The following PPP2R3A variants were observed in gnomAD, a reference collection of about 807,000 sequenced individuals.
PPP2R3A encodes the protein serine/threonine-protein phosphatase 2A regulatory subunit B'' subunit alpha.
PPP2R3A carries 80 observed loss-of-function variants against 106.9 expected under a neutral mutation model. That is an observed-to-expected ratio of 0.75 (90% CI 0.62 to 0.90). The LOEUF (loss-of-function observed/expected upper bound fraction) is 0.90, where lower values mean the gene tolerates loss of function less well. PPP2R3A is among the 40% of genes least tolerant of loss of function. PPP2R3A has a pLI of 0.00. For missense variants in PPP2R3A, 1,386 were observed against 1,350.4 expected (o/e 1.03, Z -0.41); for synonymous variants, 483 against 468.3 (o/e 1.03, Z -0.41).
At chr3:136,039,921 A>G (rs1263851379) in intron 3 of PPP2R3A, among the ~76,000 whole-genome samples, 1 of 152,164 alleles carries the variant, frequency 6.6e-6, no homozygotes, top group East Asian at 1.9e-4. Context: ...AAATTGTTTT[A>G]TATTCATTTC....
At chr3:136,040,710 G>C in intron 3 of PPP2R3A, 149 bp from the exon 4 acceptor site, 1 of 489,118 alleles carries the variant, frequency 2.0e-6, no homozygotes, top group Non-Finnish European at 3.6e-6. Flanking sequence ...TACCCTAGTT[G>C]ATATATTTTC....
intron 2 of PPP2R3A, among the ~76,000 whole-genome samples, chr3:136,012,850 G>A (rs1014192544): frequency 1.3e-5 from 2 of 152,058 alleles, no homozygotes; most frequent in African/African-American, 4.8e-5. Context: ...TGATTACATG[G>A]ATAAGTTCTT....
At chr3:136,027,173 C>G (rs1280913161) in intron 3 of PPP2R3A, 75 bp downstream of exon 3, 1 of 1,336,974 alleles carries the variant, frequency 7.5e-7, no homozygotes, top group African/African-American at 1.5e-5. Context: ...TCTAGAAACC[C>G]GGATCCCACC....
At chr3:136,102,921 G>A (rs1937416285) in intron 11 of PPP2R3A, among the ~76,000 whole-genome samples, 1 of 152,134 alleles carries the variant, frequency 6.6e-6, no homozygotes. Context: ...GGGACTGCTT[G>A]ATGGGCACAG....
intron 2 of PPP2R3A, among the ~76,000 whole-genome samples, chr3:136,007,012 A>T (rs201660473): frequency 6.6e-6 from 1 of 152,310 alleles, no homozygotes; most frequent in East Asian, 1.9e-4. Flanking sequence ...ACCTTTTCCC[A>T]TCGGTTTTCT....
intron 2 of PPP2R3A, among the ~76,000 whole-genome samples, chr3:136,015,934 C>G (rs1934252172): frequency 6.6e-6 from 1 of 152,002 alleles, no homozygotes; most frequent in Admixed American, 6.6e-5. Flanking sequence ...GTCTTTCAGA[C>G]TTTTTGATGC....
In PPP2R3A at chr3:136,002,113, T is replaced by C. The variant is rs1254533682; in HGVS notation, c.615T>C (p.Phe205=). The change falls in exon 2 of 14, where the codon TTT becomes TTC. Residue 205 remains phenylalanine (F), a synonymous_variant. Coordinates refer to ENST00000264977, the MANE Select transcript of PPP2R3A (RefSeq NM_002718.5). The stretch of plus-strand genomic sequence containing the variant: ...TGACTTCCATGTTTCTTCAAAACTT[T>C]TCTGAAGAAGACTTGGTTACTCAGA... The part of the protein sequence containing the change: ...TNLTSMFLQN[F]SEEDLVTQIL... 2 of 1,614,126 alleles carry C rather than the reference T, an allele frequency of 1.2e-6. No homozygotes were observed. Among genetic ancestry groups the C allele is most frequent in the Non-Finnish European group, 8.5e-7 (1 of 1,180,018 alleles).
At chr3:136,036,641 G>A (rs1171097221) in intron 3 of PPP2R3A, among the ~76,000 whole-genome samples, 1 of 152,068 alleles carries the variant, frequency 6.6e-6, no homozygotes, top group Non-Finnish European at 1.5e-5. Context: ...GGAACAGTCC[G>A]CTTCCTTCAG....
At chr3:136,098,881 G>A (rs1937283088) in intron 10 of PPP2R3A, among the ~76,000 whole-genome samples, 1 of 152,006 alleles carries the variant, frequency 6.6e-6, no homozygotes, top group African/African-American at 2.4e-5. Flanking sequence ...TAAATGAACA[G>A]TTGATCTTCA....
At chr3:136,014,413 G>C (rs147806998) in intron 2 of PPP2R3A, among the ~76,000 whole-genome samples, 1 of 152,152 alleles carries the variant, frequency 6.6e-6, no homozygotes, top group Admixed American at 6.5e-5. Flanking sequence ...TTGGCAGAAT[G>C]GTCATTTTCA....
intron 13 of PPP2R3A, among the ~76,000 whole-genome samples, chr3:136,137,397 T>C (rs1006769014): frequency 5.3e-5 from 8 of 152,024 alleles, no homozygotes; most frequent in Admixed American, 2.0e-4. Flanking sequence ...TTTTAGTGCT[T>C]CAGTGTTCTC....
chr3:136,045,050 C>T (rs1460625976), intron 4 of PPP2R3A, among the ~76,000 whole-genome samples: 1 of 152,182 alleles, frequency 6.6e-6, no homozygotes, highest in Non-Finnish European at 1.5e-5. Context: ...AGGCTCTAAC[C>T]TTTGTTGACT....
chr3:136,033,554 A>G (rs907283591), intron 3 of PPP2R3A, among the ~76,000 whole-genome samples: 9 of 152,198 alleles, frequency 5.9e-5, no homozygotes, highest in Admixed American at 4.6e-4. Context: ...TACCATTTCA[A>G]TATCACTGCT....
At chr3:136,026,658 ATTAAT>A (rs1198519928) in intron 2 of PPP2R3A, among the ~76,000 whole-genome samples, 169 bp from the exon 3 acceptor site, 2 of 152,156 alleles carry the variant, frequency 1.3e-5, no homozygotes, top group African/African-American at 4.8e-5. Context: ...TAATAAATTA[ATTAAT>A]TTAGTGCAGA....
At chr3:136,056,613 T>TA (rs1475065632) in intron 5 of PPP2R3A, among the ~76,000 whole-genome samples, 2 of 151,964 alleles carry the variant, frequency 1.3e-5, no homozygotes, top group East Asian at 3.8e-4. Context: ...GACTTAAATG[T>TA]AATACCTGAA....
intron 1 of PPP2R3A, among the ~76,000 whole-genome samples, chr3:135,973,650 T>C (rs1008149140): frequency 6.6e-6 from 1 of 152,160 alleles, no homozygotes; most frequent in Non-Finnish European, 1.5e-5. Flanking sequence ...TTTTCAGGCA[T>C]AGTAGGAAAT....
At position 136,087,942 on chromosome 3, in the gene PPP2R3A, G is replaced by A. The variant is rs746866909; in HGVS notation, c.2837+11G>A. 6.3e-6 allele frequency: 10 copies of A among 1,590,144 alleles called. No individual in the cohort carries two copies. The East Asian group carries it at 9.0e-5, about 14-fold the overall frequency. On this transcript the variant is annotated intron_variant, in intron 9 of 13. Coordinates refer to ENST00000264977, the MANE Select transcript of PPP2R3A (RefSeq NM_002718.5). The stretch of plus-strand genomic sequence containing the variant: ...TGGTGCAGTAACAAGGTAAGAAAAC[G>A]TTTAATGCTGTGTTTAAAAATGAAC...
At chr3:136,024,025 A>G (rs1271144633) in intron 2 of PPP2R3A, among the ~76,000 whole-genome samples, 1 of 152,156 alleles carries the variant, frequency 6.6e-6, no homozygotes, top group Non-Finnish European at 1.5e-5. Context: ...GCTTTTTTGT[A>G]GGTCAAAAAT....
At chr3:136,028,794 A>G (rs1312729736) in intron 3 of PPP2R3A, among the ~76,000 whole-genome samples, 4 of 152,214 alleles carry the variant, frequency 2.6e-5, no homozygotes, top group Admixed American at 6.5e-5. Flanking sequence ...TGGAGGTAAT[A>G]TGGTAACTAC....
Sources: allele counts gnomAD v4.1 joint callset (sites outside exome capture counted in the v4.1 genomes callset), GRCh38; gene constraint gnomAD v4.1.1; transcripts MANE v1.5; gene names NCBI Gene and HGNC (gene_info 2026-07-23, HGNC 2026-07-21).